Variants in TIAM1 observed in about 807,000 individuals in gnomAD.
The protein encoded by TIAM1 is rho guanine nucleotide exchange factor TIAM1.
A neutral mutation model predicts 163.5 loss-of-function variants in TIAM1; 65 were observed. That is an observed-to-expected ratio of 0.40 (90% confidence interval 0.33 to 0.49). The LOEUF is 0.49. Ranked by LOEUF, TIAM1 falls within the 20% of genes least tolerant of loss-of-function variation. The probability of loss-of-function intolerance (pLI) is 0.77; values close to 1 mark genes in which losing one functional copy is unlikely to be tolerated. For synonymous variants in TIAM1, 833 were observed against 810.1 expected (o/e 1.03, Z -0.48); for missense variants, 1,789 against 2,044.7 (o/e 0.87, Z 2.41).
At chr21:31,267,230 G>C (rs2072829056) in intron 3 of TIAM1, among the ~76,000 whole-genome samples, 2 of 152,244 alleles carry the variant, frequency 1.3e-5, no homozygotes, top group South Asian at 4.1e-4. Flanking sequence ...ATAAATATGA[G>C]CATCAGAGAG....
intron 2 of TIAM1, among the ~76,000 whole-genome samples, chr21:31,355,471 C>T (rs1443276122): frequency 6.6e-6 from 1 of 152,162 alleles, no homozygotes; most frequent in Admixed American, 6.5e-5. Flanking sequence ...ACCACCTCCA[C>T]CCCTCATCCC....
At chr21:31,461,465 C>G (rs1022630177) in intron 2 of TIAM1, among the ~76,000 whole-genome samples, 14 of 151,998 alleles carry the variant, frequency 9.2e-5, no homozygotes, top group African/African-American at 3.4e-4. Flanking sequence ...GCCTGGGCAA[C>G]AGAGAGAGGC....
chr21:31,360,375 T>C (rs2076388546), intron 2 of TIAM1, among the ~76,000 whole-genome samples: 1 of 152,150 alleles, frequency 6.6e-6, no homozygotes, highest in South Asian at 2.1e-4. Flanking sequence ...TAAAAGGAGT[T>C]AATATACTCT....
At chr21:31,535,973 G>A (rs932791606) in intron 1 of TIAM1, among the ~76,000 whole-genome samples, 3 of 152,170 alleles carry the variant, frequency 2.0e-5, no homozygotes, top group Non-Finnish European at 2.9e-5. Context: ...AATGGAAGAC[G>A]ATGGGTTACT....
At chr21:31,136,259 A>G (rs935715602) in intron 22 of TIAM1, among the ~76,000 whole-genome samples, 2 of 152,244 alleles carry the variant, frequency 1.3e-5, no homozygotes, top group Admixed American at 1.3e-4. Flanking sequence ...TACACCATAA[A>G]TATATAAAAT....
intron 26 of TIAM1, among the ~76,000 whole-genome samples, chr21:31,126,783 A>T (rs1892675): frequency 0.43 from 65,647 of 151,732 alleles, 15,083 homozygotes; most frequent in East Asian, 0.58. Context: ...TAGAAGAAAA[A>T]CAACAAGAAA....
At chr21:31,267,060 G>C (rs1490557304) in intron 3 of TIAM1, 77 bp from the exon 4 acceptor site, 1 of 1,502,584 alleles carries the variant, frequency 6.7e-7, no homozygotes. Context: ...AAAGCGCTCA[G>C]CCTGCAGGGA....
At chr21:31,349,539 C>T (rs1326469157) in intron 2 of TIAM1, among the ~76,000 whole-genome samples, 1 of 152,150 alleles carries the variant, frequency 6.6e-6, no homozygotes, top group Non-Finnish European at 1.5e-5. Flanking sequence ...TTTCAGATAC[C>T]TCCCTGCTCG....
chr21:31,405,604 C>CA (rs1344056007), intron 2 of TIAM1, among the ~76,000 whole-genome samples: 5 of 152,126 alleles, frequency 3.3e-5, no homozygotes, highest in Non-Finnish European at 5.9e-5. Flanking sequence ...CAAGGAGGAG[C>CA]AAGTCACATC....
chr21:31,500,598 A>G (rs1050195879), intron 1 of TIAM1, among the ~76,000 whole-genome samples: 3 of 152,210 alleles, frequency 2.0e-5, no homozygotes, highest in African/African-American at 7.2e-5. Context: ...AAGAGGTCAC[A>G]CTGGGGCACA....
chr21:31,348,952 TA>T (rs2076192532), upstream of TIAM1, among the ~76,000 whole-genome samples: 1 of 152,190 alleles, frequency 6.6e-6, no homozygotes, highest in Non-Finnish European at 1.5e-5. Flanking sequence ...GAGATATTCT[TA>T]AAAAATACAG....
At chr21:31,451,920 T>C (rs1380341826) in intron 2 of TIAM1, among the ~76,000 whole-genome samples, 1 of 152,076 alleles carries the variant, frequency 6.6e-6, no homozygotes, top group Non-Finnish European at 1.5e-5. Flanking sequence ...GAAGGGTCAG[T>C]GCTAACACCC....
At chr21:31,526,994 G>C (rs557713216) in intron 1 of TIAM1, among the ~76,000 whole-genome samples, 2 of 152,054 alleles carry the variant, frequency 1.3e-5, no homozygotes, top group African/African-American at 4.8e-5. Context: ...GAGCCACCAC[G>C]CCTGGCCAAA....
chr21:31,410,101 G>A (rs1208077429), intron 2 of TIAM1, among the ~76,000 whole-genome samples: 1 of 152,090 alleles, frequency 6.6e-6, no homozygotes, highest in Non-Finnish European at 1.5e-5. Flanking sequence ...GTGTGTGTGT[G>A]TGAGGTTGTG....
At chr21:31,356,695 T>A (rs890564281) in intron 2 of TIAM1, among the ~76,000 whole-genome samples, 6 of 152,254 alleles carry the variant, frequency 3.9e-5, no homozygotes, top group African/African-American at 9.6e-5. Flanking sequence ...GCCTCCAGAC[T>A]GTGAAATACA....
intron 2 of TIAM1, among the ~76,000 whole-genome samples, chr21:31,352,999 T>G (rs1435946166): frequency 6.6e-6 from 1 of 152,136 alleles, no homozygotes; most frequent in East Asian, 1.9e-4. Flanking sequence ...CCCAGATAAG[T>G]GATTTTCTCT....
chr21:31,213,914 G>A (rs1397607959), intron 9 of TIAM1, among the ~76,000 whole-genome samples: 1 of 150,948 alleles, frequency 6.6e-6, no homozygotes, highest in Non-Finnish European at 1.5e-5. Context: ...CAGGCATGGT[G>A]GGGTGCACCT....
chr21:31,240,624 C>T (rs1227945915), intron 6 of TIAM1, among the ~76,000 whole-genome samples: 1 of 152,196 alleles, frequency 6.6e-6, no homozygotes, highest in Non-Finnish European at 1.5e-5. Flanking sequence ...AACCTCTTCA[C>T]GAGCTTGTTG....
chr21:31,331,702 A>T (rs138317178), intron 2 of TIAM1, among the ~76,000 whole-genome samples: 85 of 152,340 alleles, frequency 5.6e-4, no homozygotes, highest in African/African-American at 1.9e-3. Context: ...CACTCTAAGT[A>T]TTCCTGGGCA....
Sources: allele counts gnomAD v4.1 joint callset (sites outside exome capture counted in the v4.1 genomes callset), GRCh38; gene constraint gnomAD v4.1.1; transcripts MANE v1.5; gene names NCBI Gene and HGNC (gene_info 2026-07-23, HGNC 2026-07-21).